COP1: variants seen among roughly 807,000 people sequenced by gnomAD.
COP1 encodes COP1 E3 ubiquitin ligase.
A neutral mutation model predicts 101.3 loss-of-function variants in COP1; 24 were observed. That is an observed-to-expected ratio of 0.24 (90% CI 0.17 to 0.33). The LOEUF (loss-of-function observed/expected upper bound fraction) is 0.33. COP1 is among the 10% of genes least tolerant of loss of function. The pLI is 1.00. For synonymous variants in COP1, 347 were observed against 341.9 expected, an observed-to-expected ratio of 1.01 and a Z score of -0.17; for missense variants, 663 against 906.2, an observed-to-expected ratio of 0.73 and a Z score of 3.45.
intron 9 of COP1, among the ~76,000 whole-genome samples, chr1:176,091,342 T>C (rs1681241961): frequency 2.0e-5 from 2 of 98,722 alleles, no homozygotes; most frequent in African/African-American, 3.1e-5. Context: ...CGAGACTCCG[T>C]CTCAAAAAAA....
intron 1 of COP1, among the ~76,000 whole-genome samples, chr1:176,204,648 G>A (rs1700636699): frequency 6.6e-6 from 1 of 152,156 alleles, no homozygotes; most frequent in Non-Finnish European, 1.5e-5. Flanking sequence ...TCAGGACCAC[G>A]GTGGCTCACA....
At chr1:176,160,518 C>A (rs766187637) in intron 5 of COP1, among the ~76,000 whole-genome samples, 6 of 151,626 alleles carry the variant, frequency 4.0e-5, no homozygotes, top group Non-Finnish European at 7.4e-5. Flanking sequence ...TGCAATGTAC[C>A]CATCTGACAA....
intron 11 of COP1, among the ~76,000 whole-genome samples, chr1:176,078,070 T>C (rs1259571846): frequency 6.6e-6 from 1 of 152,272 alleles, no homozygotes; most frequent in South Asian, 2.1e-4. Context: ...GGCAATATTG[T>C]TCAAAGCAAT....
At chr1:176,020,312 GA>G (rs72482029) in intron 15 of COP1, among the ~76,000 whole-genome samples, 5,163 of 85,158 alleles carry the variant, frequency 0.061, 114 homozygotes, top group Non-Finnish European at 0.082. Flanking sequence ...CTCCATCTCG[GA>G]AAAAAAAAAA....
At chr1:176,025,825 G>T (rs1476980020) in intron 15 of COP1, among the ~76,000 whole-genome samples, 2 of 152,032 alleles carry the variant, frequency 1.3e-5, no homozygotes, top group Admixed American at 6.6e-5. Context: ...GGGAGGACCA[G>T]GCTGCAGTGA....
intron 3 of COP1, among the ~76,000 whole-genome samples, chr1:176,175,591 G>A (rs980458516): frequency 2.0e-5 from 3 of 152,296 alleles, no homozygotes; most frequent in Admixed American, 6.5e-5. Flanking sequence ...AGTAGTGCTC[G>A]CTCACCTGCC....
chr1:176,076,863 T>A (rs1402552135), intron 11 of COP1, among the ~76,000 whole-genome samples: 1 of 151,804 alleles, frequency 6.6e-6, no homozygotes, highest in Non-Finnish European at 1.5e-5. Context: ...GACTAGAAAA[T>A]CTAGAGGAAA....
rs139267336 is a variant in COP1, at chr1:175,954,856, T to C, written c.2134-7617A>G. On this transcript the variant is annotated intron_variant, in intron 18 of 19. Transcript: ENST00000367669. ...AATACAAGTAAAGATAATTCAGTCA[T>C]ATACAAAAAGAATAATGCATCATGT... Among the ~76,000 whole-genome samples, 428 of 152,226 alleles carry C rather than the reference T, an allele frequency of 2.8e-3. 1 individual carries two copies. Among genetic ancestry groups the C allele is most frequent in the African/African-American group, 9.9e-3 (410 of 41,528 alleles).
At chr1:175,946,685 A>G (rs1281387451) in intron 19 of COP1, among the ~76,000 whole-genome samples, 1 of 152,152 alleles carries the variant, frequency 6.6e-6, no homozygotes, top group Non-Finnish European at 1.5e-5. Flanking sequence ...TCAATTTTCA[A>G]CTGAACACTA....
intron 11 of COP1, among the ~76,000 whole-genome samples, chr1:176,077,365 G>A (rs1172978297): frequency 2.0e-5 from 3 of 152,084 alleles, no homozygotes; most frequent in Admixed American, 6.5e-5. Flanking sequence ...ATCAATAAAT[G>A]TGATTTACCA....
chr1:176,122,666 AAC>A (rs1185658705), intron 8 of COP1, among the ~76,000 whole-genome samples: 1 of 152,202 alleles, frequency 6.6e-6, no homozygotes, highest in African/African-American at 2.4e-5. Context: ...TACAAAAAGT[AAC>A]AGTTACATAA....
At chr1:176,205,022 T>C (rs1187199806) in intron 1 of COP1, among the ~76,000 whole-genome samples, 1 of 152,228 alleles carries the variant, frequency 6.6e-6, no homozygotes, top group African/African-American at 2.4e-5. Context: ...TGGCCGACAG[T>C]GAATGTCATA....
chr1:176,155,202 C>T (rs984493416), intron 5 of COP1, among the ~76,000 whole-genome samples: 5 of 151,976 alleles, frequency 3.3e-5, no homozygotes, highest in Non-Finnish European at 5.9e-5. Context: ...TCAAAAAATG[C>T]GTACTATTCT....
intron 15 of COP1, among the ~76,000 whole-genome samples, chr1:175,996,094 C>T (rs1253695151): frequency 1.3e-5 from 2 of 152,126 alleles, no homozygotes; most frequent in African/African-American, 4.8e-5. Flanking sequence ...TGGTTCAAAA[C>T]AGGCAAATCA....
intron 15 of COP1, among the ~76,000 whole-genome samples, chr1:176,019,463 AAATAATAATAATAATAAT>A (rs34362717): frequency 8.3e-5 from 11 of 132,382 alleles, no homozygotes; most frequent in South Asian, 2.5e-4. Context: ...ACTCCATCTC[AAATAATAATAATAATAAT>A]AATAATAATA....
At chr1:176,169,481 G>A (rs1244896289) in intron 3 of COP1, among the ~76,000 whole-genome samples, 1 of 152,060 alleles carries the variant, frequency 6.6e-6, no homozygotes, top group African/African-American at 2.4e-5. Context: ...TCGCAGGTTC[G>A]GTTCTAGGCC....
rs562654100 is a variant in COP1 at position 176,097,341 on chromosome 1, A to G, written c.1027-11451T>C. Among the ~76,000 whole-genome samples, 4 of 152,288 alleles carry G rather than the reference A, an allele frequency of 2.6e-5. No individual in the cohort carries two copies. The South Asian group carries it at 8.3e-4, about 32-fold the overall frequency. ...GGAACACCAGTAATTAAAAGCAAAT[A>G]GATCCCTCTCAAAATCTGTTTTTGC... On this transcript the variant is annotated intron_variant, in intron 9 of 19. Transcript: ENST00000367669.
chr1:176,006,131 T>A (rs995107775), intron 15 of COP1, among the ~76,000 whole-genome samples: 3 of 152,192 alleles, frequency 2.0e-5, no homozygotes, highest in Admixed American at 6.5e-5. Flanking sequence ...TTGATCTTTG[T>A]TGGTTTAAAG....
At chr1:176,024,729 G>A (rs1332666866) in intron 15 of COP1, among the ~76,000 whole-genome samples, 1 of 152,096 alleles carries the variant, frequency 6.6e-6, no homozygotes, top group African/African-American at 2.4e-5. Context: ...AGAATAAAGA[G>A]AAGCAGTGTT....
Sources: gnomAD v4.1 joint callset for allele counts (sites outside exome capture counted in the v4.1 genomes callset) on GRCh38, gnomAD v4.1.1 for gene constraint, MANE v1.5 for transcripts, NCBI Gene and HGNC (gene_info 2026-07-23, HGNC 2026-07-21) for gene names.